PAPPA2: variants seen among roughly 807,000 people sequenced by gnomAD.
PAPPA2 encodes pappalysin 2.
PAPPA2 carries 86 observed loss-of-function variants against 176.4 expected under a neutral mutation model. The ratio of observed to expected loss-of-function variants is 0.49; its 90% CI spans 0.41 to 0.58. The LOEUF (loss-of-function observed/expected upper bound fraction) is 0.58, where lower values mean the gene tolerates loss of function less well. Ranked by LOEUF, PAPPA2 falls within the 20% of genes least tolerant of loss-of-function variation. PAPPA2 has a pLI of 0.00. For synonymous variants in PAPPA2, 809 were observed against 852.2 expected (o/e 0.95, Z 0.88); for missense variants, 2,073 against 2,256.9 (o/e 0.92, Z 1.65).
At chr1:176,485,850 T>C (rs1652623091) in intron 1 of PAPPA2, among the ~76,000 whole-genome samples, 1 of 152,156 alleles carries the variant, frequency 6.6e-6, no homozygotes, top group South Asian at 2.1e-4. Flanking sequence ...TTTATATACA[T>C]GAAATTTCAC....
At chr1:176,525,781 C>G (rs1483732347) in intron 1 of PAPPA2, among the ~76,000 whole-genome samples, 1 of 152,216 alleles carries the variant, frequency 6.6e-6, no homozygotes, top group Non-Finnish European at 1.5e-5. Flanking sequence ...CTGGGTCCCT[C>G]TGAAAGTTAC....
chr1:176,714,144 C>T (rs1337473365), intron 12 of PAPPA2, among the ~76,000 whole-genome samples: 5 of 151,638 alleles, frequency 3.3e-5, no homozygotes, highest in East Asian at 3.9e-4. Context: ...AAAGGGAAAA[C>T]GTAAACTGAA....
intron 17 of PAPPA2, among the ~76,000 whole-genome samples, chr1:176,778,899 G>T (rs929814307): frequency 1.3e-5 from 2 of 152,022 alleles, no homozygotes; most frequent in Non-Finnish European, 2.9e-5. Flanking sequence ...TGTGCTTCAG[G>T]CTAATTTATT....
intron 3 of PAPPA2, among the ~76,000 whole-genome samples, chr1:176,631,965 G>A (rs564488371): frequency 2.0e-5 from 3 of 152,240 alleles, no homozygotes; most frequent in African/African-American, 7.2e-5. Flanking sequence ...GTAAGCAAAA[G>A]GAGAAAGGAT....
rs181269687 is a variant in PAPPA2, at chr1:176,560,679, G to C, written c.919+3438G>C. 1.3e-3 allele frequency among the ~76,000 whole-genome samples: 191 copies of C among 152,322 alleles called. 1 individual carries two copies. Among genetic ancestry groups the C allele is most frequent in the African/African-American group, 4.2e-3 (174 of 41,572 alleles). On this transcript the variant is annotated intron_variant, in intron 2 of 22. Coordinates refer to ENST00000367662, the MANE Select transcript of PAPPA2 (RefSeq NM_020318.3). ...GTAAGCCAAATTCTGTCCCATCCAC[G>C]TGTGTAACTTTTAAGCTCCAGCACC... is the stretch of plus-strand genomic sequence containing the variant.
chr1:176,485,746 T>G (rs1020049027), intron 1 of PAPPA2, among the ~76,000 whole-genome samples: 1 of 152,196 alleles, frequency 6.6e-6, no homozygotes, highest in Non-Finnish European at 1.5e-5. Flanking sequence ...ATCCTCTATC[T>G]TCTTAAATTC....
intron 20 of PAPPA2, among the ~76,000 whole-genome samples, chr1:176,794,050 A>C (rs74534537): frequency 2.6e-5 from 4 of 151,690 alleles, no homozygotes; most frequent in Non-Finnish European, 5.9e-5. Context: ...ACTCCATCTC[A>C]AAAAAAAATT....
chr1:176,773,965 T>C (rs535250492), intron 17 of PAPPA2, among the ~76,000 whole-genome samples: 10 of 152,258 alleles, frequency 6.6e-5, no homozygotes, highest in Admixed American at 6.5e-4. Flanking sequence ...TGCCAGTCTC[T>C]GGGTTAGGAA....
At chr1:176,604,185 C>T (rs1654483534) in intron 3 of PAPPA2, among the ~76,000 whole-genome samples, 1 of 152,194 alleles carries the variant, frequency 6.6e-6, no homozygotes, top group Admixed American at 6.5e-5. Context: ...GAGGCCTTCC[C>T]TGGAGACCTC....
At position 176,594,757 on chromosome 1, in the gene PAPPA2, G is replaced by A. The variant is rs773987069; in HGVS notation, c.1153G>A (p.Val385Met). 14 of 1,614,118 alleles carry A rather than the reference G, an allele frequency of 8.7e-6. No homozygotes were observed. The highest frequency in any genetic ancestry group is 1.1e-5 in the Non-Finnish European group (13 of 1,180,040). The stretch of plus-strand genomic sequence containing the variant: ...GGCCCTGTATGTGGATGGCACTCAG[G>A]TGGCTAGCAGTCTAGACCAGTCTGG... Reference protein sequence around the residue: ...HMALYVDGTQVASSLDQSGPL... With the variant: ...HMALYVDGTQMASSLDQSGPL... Residue 385 changes from valine to methionine, a missense_variant, in exon 3 of 23, where the codon GTG becomes ATG. Physicochemically the swap from Val to Met is conservative, Grantham distance 21. Around this residue, in one of 4 missense-constraint regions of PAPPA2, gnomAD observed 1,196 missense variants for 1,330.4 expected, o/e 0.90. Transcript: ENST00000367662.
chr1:176,705,429 G>A lies in PAPPA2; in HGVS notation c.3366-930G>A, dbSNP rs1216651009. Among the ~76,000 whole-genome samples the A allele has an allele frequency of 3.9e-5, 6 of 152,018 alleles. No homozygotes were observed. The East Asian group carries it at 9.6e-4, about 24-fold the overall frequency. On this transcript the variant is annotated intron_variant, in intron 9 of 22. Transcript: ENST00000367662. ...GGCATACTTTAAACAATAGATTAGA[G>A]CTATTTATGATGTTCTGGGTCTGAA...
At chr1:176,555,385 G>T (rs551967460) in intron 1 of PAPPA2, 22 bp from the exon 2 acceptor site, 1 of 152,262 alleles carries the variant, frequency 6.6e-6, no homozygotes, top group African/African-American at 2.4e-5. Flanking sequence ...TCTTCTTTTT[G>T]CTCTTTTCCC....
chr1:176,576,026 A>G (rs1046223908), intron 2 of PAPPA2, among the ~76,000 whole-genome samples: 3 of 152,144 alleles, frequency 2.0e-5, no homozygotes, highest in African/African-American at 4.8e-5. Context: ...CTCTTTCTCT[A>G]TTATAAATAA....
At chr1:176,526,040 C>T (rs1413191622) in intron 1 of PAPPA2, among the ~76,000 whole-genome samples, 3 of 152,158 alleles carry the variant, frequency 2.0e-5, no homozygotes, top group African/African-American at 7.2e-5. Context: ...GCCATGTTTG[C>T]CTCACTATAC....
At chr1:176,678,427 TTA>T (rs1188880567) in intron 4 of PAPPA2, among the ~76,000 whole-genome samples, 2 of 151,130 alleles carry the variant, frequency 1.3e-5, no homozygotes, top group African/African-American at 4.9e-5. Flanking sequence ...TCATGGTCAT[TTA>T]CTTTTTTTTT....
intron 13 of PAPPA2, 103 bp from the exon 14 acceptor site, chr1:176,739,877 G>C: frequency 6.4e-7 from 1 of 1,566,242 alleles, no homozygotes; most frequent in South Asian, 1.2e-5. Flanking sequence ...ATACATCTAG[G>C]TTTTGGCATC....
At chr1:176,514,543 A>G (rs1182364420) in intron 1 of PAPPA2, among the ~76,000 whole-genome samples, 3 of 152,200 alleles carry the variant, frequency 2.0e-5, no homozygotes, top group Non-Finnish European at 2.9e-5. Flanking sequence ...CACCACATGG[A>G]TTTGACTTAA....
intron 3 of PAPPA2, among the ~76,000 whole-genome samples, chr1:176,628,590 A>G (rs1656166342): frequency 6.6e-6 from 1 of 152,174 alleles, no homozygotes; most frequent in East Asian, 1.9e-4. Flanking sequence ...TTTAATTACT[A>G]TTGGATATTT....
intron 14 of PAPPA2, among the ~76,000 whole-genome samples, chr1:176,763,492 C>T (rs1312389079): frequency 6.6e-6 from 1 of 152,174 alleles, no homozygotes; most frequent in East Asian, 1.9e-4. Context: ...ACAAATTTCT[C>T]ACTTTGATAG....
Sources: gnomAD v4.1 joint callset for allele counts (sites outside exome capture counted in the v4.1 genomes callset) on GRCh38, gnomAD v4.1.1 for gene constraint, gnomAD v4.1.1 regional missense constraint, MANE v1.5 for transcripts, NCBI Gene and HGNC (gene_info 2026-07-23, HGNC 2026-07-21) for gene names.